The following KIAA1217 variants were observed in gnomAD, a reference collection of about 807,000 sequenced individuals.
The protein encoded by KIAA1217 is sickle tail protein homolog.
Under a neutral mutation model 163.9 loss-of-function variants are expected in KIAA1217, and 88 were observed. That is an observed-to-expected ratio of 0.54 (90% CI 0.45 to 0.64). The LOEUF (loss-of-function observed/expected upper bound fraction) is 0.64, where lower values mean the gene tolerates loss of function less well. KIAA1217 is among the 30% of genes least tolerant of loss of function. The pLI is 0.00. For synonymous variants in KIAA1217, 903 were observed against 923.1 expected, an observed-to-expected ratio of 0.98 and a Z score of 0.39; for missense variants, 2,372 against 2,475.0, an observed-to-expected ratio of 0.96 and a Z score of 0.88.
chr10:24,065,010 C>A (rs200801632), intron 2 of KIAA1217, among the ~76,000 whole-genome samples: 1 of 151,906 alleles, frequency 6.6e-6, no homozygotes, highest in African/African-American at 2.4e-5. Flanking sequence ...TTTTTTATTG[C>A]GTCTATTTGA....
chr10:23,936,608 T>C (rs1371982181), intron 1 of KIAA1217, among the ~76,000 whole-genome samples: 3 of 152,040 alleles, frequency 2.0e-5, no homozygotes, highest in Non-Finnish European at 4.4e-5. Context: ...GAGTGACGCC[T>C]GTAAAGCCAA....
chr10:24,394,852 T>C (rs1222218939), intron 3 of KIAA1217, among the ~76,000 whole-genome samples: 1 of 152,200 alleles, frequency 6.6e-6, no homozygotes, highest in Non-Finnish European at 1.5e-5. Flanking sequence ...CTCTGTCTCC[T>C]TACCTGCTGC....
chr10:23,888,706 A>G lies in KIAA1217; in HGVS notation c.-320-118519A>G, dbSNP rs147511166. On this transcript the variant is annotated intron_variant, in intron 1 of 18. Coordinates refer to the KIAA1217 transcript ENST00000376462. The stretch of plus-strand genomic sequence containing the variant: ...GCTAATTGTAAATTAGTCTGTTCTT[A>G]GAAAAATTTTAATGAACTTTTTTAT... 9.3e-3 allele frequency among the ~76,000 whole-genome samples: 1,411 copies of G among 152,026 alleles called. 13 individuals carry two copies. Among genetic ancestry groups the G allele is most frequent in the Middle Eastern group, 0.017 (5 of 294 alleles).
intron 3 of KIAA1217, among the ~76,000 whole-genome samples, chr10:24,426,561 G>A (rs529903657): frequency 2.0e-5 from 3 of 152,066 alleles, no homozygotes; most frequent in Non-Finnish European, 4.4e-5. Flanking sequence ...GAGGTGTGAC[G>A]TTGCAGTGAG....
intron 2 of KIAA1217, among the ~76,000 whole-genome samples, chr10:24,331,345 T>G (rs1007066687): frequency 6.6e-6 from 1 of 152,200 alleles, no homozygotes; most frequent in African/African-American, 2.4e-5. Flanking sequence ...CATTTGGTCA[T>G]GAAAGATGTT....
At chr10:23,957,982 T>A (rs1417546708) in intron 1 of KIAA1217, among the ~76,000 whole-genome samples, 1 of 152,162 alleles carries the variant, frequency 6.6e-6, no homozygotes, top group African/African-American at 2.4e-5. Flanking sequence ...GACAAATAAA[T>A]GAAATTACAT....
intron 2 of KIAA1217, among the ~76,000 whole-genome samples, chr10:24,060,802 G>A (rs559369789): frequency 2.6e-5 from 4 of 152,120 alleles, no homozygotes; most frequent in South Asian, 2.1e-4. Context: ...TCACAGCTTC[G>A]GTGAGAGAGT....
chr10:23,880,111 A>G (rs536794259), intron 1 of KIAA1217, among the ~76,000 whole-genome samples: 1 of 152,044 alleles, frequency 6.6e-6, no homozygotes, highest in Admixed American at 6.6e-5. Flanking sequence ...AGGCCTGAGA[A>G]GTGAGCATGG....
At chr10:23,903,038 T>C (rs1160742092) in intron 1 of KIAA1217, among the ~76,000 whole-genome samples, 1 of 152,038 alleles carries the variant, frequency 6.6e-6, no homozygotes, top group Non-Finnish European at 1.5e-5. Context: ...CTTTGCACTG[T>C]TTTTAATGAA....
chr10:24,400,962 TACACACACACACACAC>T (rs375697958), intron 3 of KIAA1217, among the ~76,000 whole-genome samples: 5 of 117,168 alleles, frequency 4.3e-5, no homozygotes, highest in Middle Eastern at 4.6e-3. Context: ...GCAAGAAACA[TACACACACACACACAC>T]ACACACACAC....
intron 2 of KIAA1217, among the ~76,000 whole-genome samples, chr10:24,073,395 T>C (rs1028188384): frequency 6.6e-6 from 1 of 152,102 alleles, no homozygotes; most frequent in Non-Finnish European, 1.5e-5. Flanking sequence ...ATATTGAGCT[T>C]GAGGAATCTG....
chr10:24,425,678 A>G (rs1274192286), intron 3 of KIAA1217, among the ~76,000 whole-genome samples: 1 of 152,204 alleles, frequency 6.6e-6, no homozygotes, highest in East Asian at 1.9e-4. Context: ...CTCACCTTAT[A>G]TTATTCCTAC....
At chr10:24,147,793 A>G (rs898213428) in intron 2 of KIAA1217, among the ~76,000 whole-genome samples, 1 of 134,016 alleles carries the variant, frequency 7.5e-6, no homozygotes, top group African/African-American at 2.9e-5. Context: ...AGACCATGCC[A>G]CTGCACTCCA....
At position 24,546,423 on chromosome 10, in the gene KIAA1217, C is replaced by T. The variant is rs1592865132; in HGVS notation, c.*99C>T. The T allele has an allele frequency of 2.0e-5, 24 of 1,198,328 alleles. No homozygotes were observed. In the East Asian group the frequency reaches 4.7e-4, roughly 23 times the overall value. The allele number at this position is 1,198,328 out of a possible 1,614,324, so 74.2% of individuals were successfully genotyped here. A position where few individuals can be genotyped will look rare whatever the true frequency, so the allele number is the denominator to read the frequency against. On this transcript the variant is annotated 3_prime_UTR_variant, in exon 21 of 21. Coordinates refer to ENST00000376454, the MANE Select transcript of KIAA1217 (RefSeq NM_019590.5). ...AAGAGAATGTAACATATTGCTGTATCGTTTGAGGCTTAATGCTAAATATGT... is the reference window on the plus strand; with the variant it reads ...AAGAGAATGTAACATATTGCTGTATTGTTTGAGGCTTAATGCTAAATATGT...
Position 24,172,161 on chromosome 10 carries a change from C to T in KIAA1217, c.-170-47465C>T, listed in dbSNP as rs184596164. Among the ~76,000 whole-genome samples the T allele has an allele frequency of 2.6e-5, 4 of 152,150 alleles. No homozygotes were observed. The South Asian group carries it at 8.3e-4, about 32-fold the overall frequency. On this transcript the variant is annotated intron_variant, in intron 2 of 18. Coordinates refer to the KIAA1217 transcript ENST00000376462. ...AAAAGAAGATAATAAATTTGAAATT[C>T]TTGGTTTCTATTGAGACAGCAACCA...
At position 24,544,278 on chromosome 10, in the gene KIAA1217, G is replaced by T; in HGVS notation, c.5008G>T (p.Glu1670Ter). 1 of 1,614,054 alleles carries T rather than the reference G, an allele frequency of 6.2e-7. No homozygotes were observed. Among genetic ancestry groups the T allele is most frequent in the South Asian group, 1.1e-5 (1 of 91,074 alleles). The change falls in exon 19 of 21, where the codon GAG becomes TAG. Residue 1670 changes from glutamate (E) to a stop codon, truncating the protein, a stop_gained. Coordinates refer to ENST00000376454, the MANE Select transcript of KIAA1217 (RefSeq NM_019590.5). LOFTEE classifies it high-confidence loss of function. ...KNTYRTLDSLEQTIKQLENTI... is the reference protein window; with the variant it reads ...KNTYRTLDSL ...CACCTACAGAACATTGGATAGCCTGGAGCAGACCATTAAACAGCTCGAAAA... is the reference window on the plus strand; with the variant it reads ...CACCTACAGAACATTGGATAGCCTGTAGCAGACCATTAAACAGCTCGAAAA...
chr10:23,880,444 G>A (rs1481760363), intron 1 of KIAA1217, among the ~76,000 whole-genome samples: 3 of 151,918 alleles, frequency 2.0e-5, no homozygotes, highest in Non-Finnish European at 4.4e-5. Flanking sequence ...GGTTACCAGA[G>A]ACTGGGAAGG....
intron 1 of KIAA1217, among the ~76,000 whole-genome samples, chr10:23,920,035 T>G (rs1042296703): frequency 1.8e-4 from 27 of 152,164 alleles, no homozygotes; most frequent in Non-Finnish European, 3.5e-4. Flanking sequence ...ATGGGTGACT[T>G]AAAGAGGCTT....
At chr10:23,849,791 C>T (rs1448404965) in intron 1 of KIAA1217, among the ~76,000 whole-genome samples, 1 of 152,108 alleles carries the variant, frequency 6.6e-6, no homozygotes, top group Non-Finnish European at 1.5e-5. Context: ...GGTCAAAAGA[C>T]TTTCTGTTCT....
Sources: gnomAD v4.1 joint callset for allele counts (sites outside exome capture counted in the v4.1 genomes callset) on GRCh38, gnomAD v4.1.1 for gene constraint, MANE v1.5 for transcripts, NCBI Gene and HGNC (gene_info 2026-07-23, HGNC 2026-07-21) for gene names.